CAMSAP1: variants seen among roughly 807,000 people sequenced by gnomAD.
CAMSAP1 encodes the protein calmodulin regulated spectrin associated protein 1, also known as calmodulin-regulated spectrin-associated protein 1.
Under a neutral mutation model 143.5 loss-of-function variants are expected in CAMSAP1, and 58 were observed. The ratio of observed to expected loss-of-function variants is 0.40; its 90% CI spans 0.33 to 0.50. CAMSAP1 has a LOEUF of 0.50. Ranked by LOEUF, CAMSAP1 falls within the 20% of genes least tolerant of loss-of-function variation. The pLI is 0.45. For synonymous variants in CAMSAP1, 945 were observed against 859.3 expected (o/e 1.10, Z -1.74); for missense variants, 1,969 against 2,115.7 (o/e 0.93, Z 1.36).
intron 5 of CAMSAP1, among the ~76,000 whole-genome samples, chr9:135,855,698 C>T (rs1165322694): frequency 7.0e-6 from 1 of 142,084 alleles, no homozygotes; most frequent in East Asian, 2.2e-4. Flanking sequence ...GAGCAGAGAT[C>T]GGGCCACTGC....
intron 3 of CAMSAP1, 78 bp from the exon 4 acceptor site, chr9:135,866,614 C>A: frequency 2.7e-6 from 2 of 731,492 alleles, no homozygotes; most frequent in Non-Finnish European, 4.9e-6. Context: ...CCCCCAGAGA[C>A]CCCCACTTCA....
Position 135,821,193 on chromosome 9 carries a change from G to A in CAMSAP1, c.3468C>T (p.Pro1156=). Residue 1156 remains proline, a synonymous_variant, in exon 11 of 17, where the codon CCC becomes CCT. Coordinates refer to ENST00000389532, the MANE Select transcript of CAMSAP1 (RefSeq NM_015447.4). The surrounding 1 kb of genome is among the most constrained non-coding windows in gnomAD (Gnocchi z 4.6). ...GACACTTCCCATGTGGGTCACCACT[G>A]GGCTCCAGGGCACTGTCCAGGCCAG... is the stretch of plus-strand genomic sequence containing the variant. The part of the protein sequence containing the change: ...TDPGLDSALE[P]SGDPHGKCLF... The A allele has an allele frequency of 2.5e-6, 4 of 1,609,794 alleles. No homozygotes were observed. Among genetic ancestry groups the A allele is most frequent in the African/African-American group, 1.3e-5 (1 of 75,064 alleles).
intron 1 of CAMSAP1, among the ~76,000 whole-genome samples, chr9:135,893,761 T>TA (rs1838360690): frequency 6.6e-6 from 1 of 152,174 alleles, no homozygotes; most frequent in African/African-American, 2.4e-5. Context: ...GAACTCACAG[T>TA]AATACTGACG....
chr9:135,812,985 T>C (rs897974084), intron 16 of CAMSAP1, among the ~76,000 whole-genome samples: 1 of 151,920 alleles, frequency 6.6e-6, no homozygotes, highest in Admixed American at 6.6e-5. Flanking sequence ...ATCTGAAGTA[T>C]GACAAACTGC....
intron 7 of CAMSAP1, among the ~76,000 whole-genome samples, chr9:135,846,204 C>T (rs1481232006): frequency 6.6e-6 from 1 of 151,760 alleles, no homozygotes; most frequent in Non-Finnish European, 1.5e-5. Context: ...TGGAACAGAA[C>T]AGAGGCCTCA....
At position 135,822,709 on chromosome 9, in the gene CAMSAP1, G is replaced by A; in HGVS notation, c.1952C>T (p.Thr651Ile). The change falls in exon 11 of 17, where the codon ACC becomes ATC. Residue 651 changes from threonine (T) to isoleucine (I), a missense_variant. Physicochemically the swap from Thr to Ile is moderately conservative, Grantham distance 89. Transcript: ENST00000389532. The surrounding 1 kb of genome is among the most constrained non-coding windows in gnomAD (Gnocchi z 6.1). ...TGSRDLNRTF[T>I]PIPCSEFPMG... is the part of the protein sequence containing the mutation. ...GGGGAATTCTGAGCATGGAATCGGG[G>A]TAAAAGTCCTATTCAAGTCGCGACT... The A allele has an allele frequency of 6.2e-7, 1 of 1,611,750 alleles. No individual in the cohort carries two copies.
chr9:135,847,684 A>C (rs1836605250), intron 7 of CAMSAP1, among the ~76,000 whole-genome samples: 1 of 148,600 alleles, frequency 6.7e-6, no homozygotes, highest in African/African-American at 2.5e-5. Context: ...GGAGGGGAAC[A>C]TCACACACCT....
intron 1 of CAMSAP1, among the ~76,000 whole-genome samples, chr9:135,898,344 T>C (rs1023707214): frequency 3.3e-5 from 5 of 152,176 alleles, no homozygotes; most frequent in African/African-American, 1.2e-4. Context: ...TGCATGTTAA[T>C]ATACAACTGT....
At chr9:135,906,499 G>A (rs1027660280) in intron 1 of CAMSAP1, among the ~76,000 whole-genome samples, 5 of 152,250 alleles carry the variant, frequency 3.3e-5, no homozygotes, top group Non-Finnish European at 5.9e-5. Context: ...GGATCATTAT[G>A]ATTAAGCACA....
chr9:135,813,698 C>T (rs1259094606), intron 16 of CAMSAP1, among the ~76,000 whole-genome samples: 2 of 152,186 alleles, frequency 1.3e-5, no homozygotes, highest in South Asian at 2.1e-4. Context: ...CTGCAGAGCT[C>T]GCTCCCAGTC....
At chr9:135,834,704 T>C (rs1835959105) in intron 7 of CAMSAP1, among the ~76,000 whole-genome samples, 2 of 152,254 alleles carry the variant, frequency 1.3e-5, no homozygotes, top group East Asian at 3.9e-4. Flanking sequence ...TAAGGCAGCA[T>C]GGGACTATAG....
chr9:135,850,682 A>C, intron 5 of CAMSAP1, among the ~76,000 whole-genome samples: 1 of 152,248 alleles, frequency 6.6e-6, no homozygotes, highest in African/African-American at 2.4e-5. Context: ...TTGATGGTGA[A>C]CATCCAGAAA....
At chr9:135,870,810 T>C (rs1230191145) in intron 3 of CAMSAP1, among the ~76,000 whole-genome samples, 5 of 151,972 alleles carry the variant, frequency 3.3e-5, no homozygotes, top group African/African-American at 4.8e-5. Context: ...AAAATAAAAA[T>C]AAAAAAATTT....
intron 1 of CAMSAP1, among the ~76,000 whole-genome samples, chr9:135,906,158 G>A (rs1040192748): frequency 6.6e-6 from 1 of 152,204 alleles, no homozygotes; most frequent in Non-Finnish European, 1.5e-5. Flanking sequence ...CCTACTCAGC[G>A]TTTTCCAAAC....
intron 5 of CAMSAP1, among the ~76,000 whole-genome samples, chr9:135,851,237 T>C (rs1375216559): frequency 2.6e-5 from 4 of 152,138 alleles, no homozygotes; most frequent in South Asian, 2.1e-4. Flanking sequence ...AATATATACA[T>C]AGAGAAAAAA....
rs1835003484 is a variant in CAMSAP1 at position 135,810,345 on chromosome 9, G to C, written c.*964C>G. ...GCAGAATCCAGACAGGACAAGCCGT[G>C]ACCTAACAAAACCACTGAAGGGACT... On this transcript the variant is annotated 3_prime_UTR_variant, in exon 17 of 17. Transcript: ENST00000389532. The C allele has an allele frequency of 6.6e-6, 1 of 152,240 alleles. No homozygotes were observed. The highest frequency in any genetic ancestry group is 2.4e-5 in the African/African-American group (1 of 41,466). The allele number at this position is 152,240 out of a possible 1,614,324, so 9.4% of individuals were successfully genotyped here.
In CAMSAP1 at chr9:135,809,446, C is replaced by T. The variant is rs1834961929; in HGVS notation, c.*1863G>A. The stretch of plus-strand genomic sequence containing the variant: ...CTATGCCAGATATTTTCTAGCTCTT[C>T]ATTAAAAAGAATCCAATTCCACTGA... On this transcript the variant is annotated 3_prime_UTR_variant, in exon 17 of 17. Coordinates refer to ENST00000389532, the MANE Select transcript of CAMSAP1 (RefSeq NM_015447.4). 6.6e-6 allele frequency: 1 copy of T among 152,198 alleles called. No homozygotes were observed. Among genetic ancestry groups the T allele is most frequent in the Admixed American group, 6.5e-5 (1 of 15,288 alleles). 9.4% of individuals were successfully genotyped at this position (152,198 alleles called of 1,614,324 possible).
At chr9:135,843,873 CAAAAAAAA>C (rs150201026) in intron 7 of CAMSAP1, among the ~76,000 whole-genome samples, 1 of 63,958 alleles carries the variant, frequency 1.6e-5, no homozygotes, top group East Asian at 4.3e-4. Flanking sequence ...GACTCCGTCT[CAAAAAAAA>C]AAAAAAAAAA....
intron 7 of CAMSAP1, among the ~76,000 whole-genome samples, chr9:135,844,495 A>C (rs1190060009): frequency 6.6e-6 from 1 of 152,216 alleles, no homozygotes; most frequent in Non-Finnish European, 1.5e-5. Context: ...CATAACAGAA[A>C]GCTGGAAAGA....
Sources: gnomAD v4.1 joint callset for allele counts (sites outside exome capture counted in the v4.1 genomes callset) on GRCh38, gnomAD v4.1.1 for gene constraint, Gnocchi (gnomAD v3.1) non-coding constraint, MANE v1.5 for transcripts, NCBI Gene and HGNC (gene_info 2026-07-23, HGNC 2026-07-21) for gene names.